The following MACO1 variants were observed in gnomAD, a reference collection of about 807,000 sequenced individuals.
MACO1 encodes macoilin 1, also known as macoilin.
MACO1 carries 14 observed loss-of-function variants against 78.7 expected under a neutral mutation model. The observed-to-expected ratio is 0.18, with a 90% CI of 0.12 to 0.28. MACO1 has a LOEUF of 0.28. MACO1 is among the 10% of genes least tolerant of loss of function. The probability of loss-of-function intolerance (pLI) is 1.00; values close to 1 mark genes in which losing one functional copy is unlikely to be tolerated. For synonymous variants in MACO1, 288 were observed against 291.6 expected (o/e 0.99, Z 0.12); for missense variants, 501 against 799.0 (o/e 0.63, Z 4.50).
rs879075994 is a variant in MACO1, at chr1:25,489,416, A to T, written c.1617+123A>T. The stretch of plus-strand genomic sequence containing the variant: ...AGATCAAATCTCATTGCATCTGAAA[A>T]ATCTCTATGTGACAAAAAGATTTGA... On this transcript the variant is annotated intron_variant, in intron 9 of 10. Coordinates refer to ENST00000374343, the MANE Select transcript of MACO1 (RefSeq NM_018202.6). The T allele has an allele frequency of 2.3e-5, 26 of 1,132,488 alleles. No individual in the cohort carries two copies. The South Asian group carries it at 4.7e-4, about 21-fold the overall frequency. The allele number at this position is 1,132,488 out of a possible 1,614,324, so 70.2% of individuals were successfully genotyped here.
chr1:25,438,963 T>C (rs2042943731), intron 1 of MACO1, among the ~76,000 whole-genome samples: 1 of 152,010 alleles, frequency 6.6e-6, no homozygotes. Context: ...GAAACCTGTT[T>C]TTGTTAAGAA....
In MACO1 at chr1:25,454,402, ATGTGTGTGTG is replaced by A; in HGVS notation, c.473+26_473+35del. ...TCACTGGTAAGTATTACATAAATGT[ATGTGTGTGTG>A]TGTGTATATGTGTGTATGTATATAT... On this transcript the variant is annotated intron_variant, in intron 4 of 10. Transcript: ENST00000374343. 6.5e-7 allele frequency: 1 copy of A among 1,538,698 alleles called. No individual in the cohort carries two copies. The highest frequency in any genetic ancestry group is 8.8e-7 in the Non-Finnish European group (1 of 1,136,688).
rs186914754 is a variant in MACO1, at chr1:25,467,025, A to G, written c.1154+8133A>G. Among the ~76,000 whole-genome samples, 38 of 152,264 alleles carry G rather than the reference A, an allele frequency of 2.5e-4. No homozygotes were observed. The East Asian group carries it at 4.4e-3, about 18-fold the overall frequency. ...CATAATCCTAGCACTTTGGGAGGCC[A>G]AGGCGGGTGGATCACTTGAGGTCAG... On this transcript the variant is annotated intron_variant, in intron 6 of 10. Transcript: ENST00000374343.
At chr1:25,453,628 A>G (rs2043087858) in intron 3 of MACO1, among the ~76,000 whole-genome samples, 1 of 141,616 alleles carries the variant, frequency 7.1e-6, no homozygotes, top group Non-Finnish European at 1.5e-5. Context: ...ACGCCACTGC[A>G]CTCCAGCCTG....
chr1:25,493,271 C>CTCTG (rs1381586025), intron 10 of MACO1, among the ~76,000 whole-genome samples: 1 of 152,196 alleles, frequency 6.6e-6, no homozygotes, highest in Non-Finnish European at 1.5e-5. Flanking sequence ...CAGGGTCTTG[C>CTCTG]TCTGTCACCC....
chr1:25,437,179 G>T (rs1019247643), intron 1 of MACO1, among the ~76,000 whole-genome samples: 1 of 150,674 alleles, frequency 6.6e-6, no homozygotes, highest in Non-Finnish European at 1.5e-5. Flanking sequence ...CTGTCGCCCA[G>T]GCTGGAGTCC....
intron 5 of MACO1, among the ~76,000 whole-genome samples, chr1:25,457,549 A>G (rs895938565): frequency 9.2e-5 from 14 of 152,246 alleles, no homozygotes; most frequent in Non-Finnish European, 1.8e-4. Context: ...TTCAGAAGCC[A>G]GATGTCTTCT....
In MACO1 at chr1:25,473,506, G is replaced by C. The variant is rs139707759; in HGVS notation, c.1155-10610G>C. On this transcript the variant is annotated intron_variant, in intron 6 of 10. Coordinates refer to ENST00000374343, the MANE Select transcript of MACO1 (RefSeq NM_018202.6). ...ACATGAAAAAAAAAATTTTTATGTT[G>C]AGTCCCGAGAGTTCATTCTATCAAA... is the stretch of plus-strand genomic sequence containing the variant. 6.3e-4 allele frequency among the ~76,000 whole-genome samples: 96 copies of C among 152,248 alleles called. No homozygotes were observed. In the East Asian group the frequency reaches 0.016, roughly 25 times the overall value.
intron 3 of MACO1, among the ~76,000 whole-genome samples, chr1:25,450,826 C>T (rs1319874378): frequency 3.3e-5 from 5 of 152,178 alleles, no homozygotes; most frequent in African/African-American, 1.2e-4. Context: ...CTTTTACACT[C>T]GTCACTCTCC....
intron 3 of MACO1, among the ~76,000 whole-genome samples, chr1:25,453,660 C>CAAAAAAAAAAAAAAAAAAAAAAAAAA (rs532604219): frequency 1.4e-5 from 1 of 69,166 alleles, no homozygotes; most frequent in Non-Finnish European, 2.9e-5. Flanking sequence ...GAGACTCCCT[C>CAAAAAAAAAAAAAAAAAAAAAAAAAA]AAAAAAAAAA....
intron 6 of MACO1, among the ~76,000 whole-genome samples, chr1:25,481,218 T>C (rs1045908702): frequency 6.6e-6 from 1 of 152,114 alleles, no homozygotes; most frequent in Non-Finnish European, 1.5e-5. Flanking sequence ...AACTGTGGCA[T>C]ATGTTTTTCC....
At chr1:25,486,424 G>T (rs2043433189) in intron 8 of MACO1, among the ~76,000 whole-genome samples, 1 of 152,048 alleles carries the variant, frequency 6.6e-6, no homozygotes, top group Non-Finnish European at 1.5e-5. Context: ...ATAGTTAAGA[G>T]CTTTTTTTTT....
At chr1:25,439,069 A>G (rs901300714) in intron 1 of MACO1, among the ~76,000 whole-genome samples, 5 of 152,172 alleles carry the variant, frequency 3.3e-5, no homozygotes, top group Non-Finnish European at 7.3e-5. Context: ...CTTTTATATT[A>G]TACATTATAT....
chr1:25,439,285 A>C (rs982730456), intron 1 of MACO1, among the ~76,000 whole-genome samples: 1 of 152,048 alleles, frequency 6.6e-6, no homozygotes, highest in Non-Finnish European at 1.5e-5. Flanking sequence ...CACCCTTGCT[A>C]CTTGGGAGGC....
At chr1:25,474,280 A>C (rs1318910862) in intron 6 of MACO1, among the ~76,000 whole-genome samples, 1 of 152,196 alleles carries the variant, frequency 6.6e-6, no homozygotes, top group East Asian at 1.9e-4. Context: ...AGGAGGGTCA[A>C]ACAAAACATG....
chr1:25,478,166 G>T (rs1425948753), intron 6 of MACO1, among the ~76,000 whole-genome samples: 1 of 152,096 alleles, frequency 6.6e-6, no homozygotes, highest in African/African-American at 2.4e-5. Context: ...AATCACTTGA[G>T]CCCAGGAGGC....
At position 25,498,355 on chromosome 1, in the gene MACO1, C is replaced by T. The variant is rs758500176; in HGVS notation, c.1884C>T (p.Ala628=). 21 of 1,613,966 alleles carry T rather than the reference C, an allele frequency of 1.3e-5. No individual in the cohort carries two copies. Among genetic ancestry groups the T allele is most frequent in the Middle Eastern group, 1.6e-4 (1 of 6,084 alleles). ...MAVMPSITYS[A]ATSPLSPVSP... ...TCATGCCCAGCATAACATACAGTGC[C>T]GCCACCAGCCCCCTGAGCCCTGTTT... The change falls in exon 11 of 11, where the codon GCC becomes GCT. Residue 628 remains alanine, a synonymous_variant. Transcript: ENST00000374343.
chr1:25,436,891 G>A (rs1045072182), intron 1 of MACO1, among the ~76,000 whole-genome samples: 5 of 152,036 alleles, frequency 3.3e-5, no homozygotes, highest in Non-Finnish European at 7.4e-5. Context: ...CCCACTTTGA[G>A]TCATGGGATT....
chr1:25,464,975 A>AT (rs374057922), intron 6 of MACO1, among the ~76,000 whole-genome samples: 13,290 of 141,122 alleles, frequency 0.094, 1,950 homozygotes, highest in African/African-American at 0.31. Flanking sequence ...CGCCCAGGCA[A>AT]TTTTTTTTTT....
Sources: allele counts gnomAD v4.1 joint callset (sites outside exome capture counted in the v4.1 genomes callset), GRCh38; gene constraint gnomAD v4.1.1; transcripts MANE v1.5; gene names NCBI Gene and HGNC (gene_info 2026-07-23, HGNC 2026-07-21).